FAM13A: variants seen among roughly 807,000 people sequenced by gnomAD.
FAM13A encodes protein FAM13A.
Under a neutral mutation model 129.6 loss-of-function variants are expected in FAM13A, and 76 were observed. That is an observed-to-expected ratio of 0.59 (90% CI 0.49 to 0.71). FAM13A has a LOEUF of 0.71. Ranked by LOEUF, FAM13A falls within the 30% of genes least tolerant of loss-of-function variation. FAM13A has a pLI of 0.00. For synonymous variants in FAM13A, 443 were observed against 449.9 expected (o/e 0.98, Z 0.20); for missense variants, 1,108 against 1,249.3 (o/e 0.89, Z 1.70).
At chr4:88,765,635 C>T (rs1251793783) in intron 13 of FAM13A, among the ~76,000 whole-genome samples, 1 of 152,172 alleles carries the variant, frequency 6.6e-6, no homozygotes, top group African/African-American at 2.4e-5. Flanking sequence ...CAGTTCTTTT[C>T]ACTGTCTGTC....
chr4:88,764,617 T>C (rs959501949), intron 13 of FAM13A, among the ~76,000 whole-genome samples: 2 of 152,164 alleles, frequency 1.3e-5, no homozygotes, highest in East Asian at 1.9e-4. Context: ...TGGATACTTG[T>C]AGTTTGTTAA....
intron 10 of FAM13A, among the ~76,000 whole-genome samples, chr4:88,784,304 T>A (rs1723555725): frequency 6.6e-6 from 1 of 152,210 alleles, no homozygotes; most frequent in Admixed American, 6.5e-5. Context: ...TACTGGGTGC[T>A]CAATTATCAC....
intron 5 of FAM13A, among the ~76,000 whole-genome samples, chr4:88,920,911 C>A (rs559110515): frequency 1.2e-4 from 18 of 152,146 alleles, no homozygotes; most frequent in African/African-American, 4.1e-4. Context: ...AATGTAGAAG[C>A]CTCAGGAGCC....
At chr4:88,907,489 T>C (rs1410589038) in intron 5 of FAM13A, among the ~76,000 whole-genome samples, 1 of 152,226 alleles carries the variant, frequency 6.6e-6, no homozygotes, top group African/African-American at 2.4e-5. Context: ...GGGAACAATA[T>C]ATTATTAGGA....
chr4:88,823,221 C>G, intron 7 of FAM13A: 1 of 1,403,742 alleles, frequency 7.1e-7, no homozygotes, highest in Non-Finnish European at 9.2e-7. Context: ...TCGGCTGCTT[C>G]TCTACATTTA....
intron 3 of FAM13A, among the ~76,000 whole-genome samples, chr4:88,994,538 A>C (rs1354528747): frequency 1.3e-5 from 2 of 152,112 alleles, no homozygotes; most frequent in Non-Finnish European, 2.9e-5. Flanking sequence ...CGCTTGCGAG[A>C]AAGAAGGCTC....
intron 5 of FAM13A, among the ~76,000 whole-genome samples, chr4:88,906,892 C>A (rs1388014491): frequency 2.6e-5 from 4 of 152,176 alleles, no homozygotes; most frequent in Non-Finnish European, 5.9e-5. Context: ...TGACCTTAAA[C>A]AATTTCCTTC....
intron 4 of FAM13A, among the ~76,000 whole-genome samples, chr4:88,956,984 G>A (rs1026235455): frequency 6.6e-6 from 1 of 152,276 alleles, no homozygotes; most frequent in East Asian, 1.9e-4. Context: ...GCTATCCCCA[G>A]GGTGATGAGT....
rs187630931 is a variant in FAM13A, at chr4:88,912,096, G to C, written c.760-5634C>G. ...ATGACATCACTGGTAGGTGGCTTTT[G>C]ATGGTTAAATTTAGGTGTCAACTTG... is the stretch of plus-strand genomic sequence containing the variant. On this transcript the variant is annotated intron_variant, in intron 5 of 23. Coordinates refer to ENST00000264344, the MANE Select transcript of FAM13A (RefSeq NM_014883.4). Among the ~76,000 whole-genome samples the C allele has an allele frequency of 3.3e-5, 5 of 152,332 alleles. No homozygotes were observed. In the East Asian group the frequency reaches 9.7e-4, roughly 29 times the overall value.
At chr4:88,864,971 T>C (rs1235082746) in intron 6 of FAM13A, among the ~76,000 whole-genome samples, 1 of 152,042 alleles carries the variant, frequency 6.6e-6, no homozygotes, top group African/African-American at 2.4e-5. Flanking sequence ...AATCAACAAC[T>C]TGTGAAAAAT....
chr4:88,748,843 T>A (rs771541555), intron 17 of FAM13A, 109 bp downstream of exon 17: 135 of 816,836 alleles, frequency 1.7e-4, no homozygotes, highest in Non-Finnish European at 2.6e-4. Flanking sequence ...CTGGGAAGCA[T>A]CTTTAAGGAC....
intron 4 of FAM13A, among the ~76,000 whole-genome samples, chr4:88,958,990 G>A (rs1297532571): frequency 6.6e-6 from 1 of 152,204 alleles, no homozygotes; most frequent in African/African-American, 2.4e-5. Context: ...ACAATTTAAT[G>A]ACTGCCCTGC....
In FAM13A at chr4:88,793,309, A is replaced by G. The variant is rs551127162; in HGVS notation, c.1050-2682T>C. Among the ~76,000 whole-genome samples the G allele has an allele frequency of 8.5e-5, 13 of 152,162 alleles. No homozygotes were observed. In the South Asian group the frequency reaches 2.7e-3, roughly 32 times the overall value. On this transcript the variant is annotated intron_variant, in intron 8 of 23. Transcript: ENST00000264344. ...AGCTTAGAGAAAAATGACCTGAACC[A>G]TCTAAATCAGTTGTAGAGCACATTT...
intron 3 of FAM13A, among the ~76,000 whole-genome samples, chr4:88,997,159 CAT>C (rs1392192756): frequency 2.6e-5 from 4 of 152,308 alleles, no homozygotes; most frequent in East Asian, 1.9e-4. Flanking sequence ...GATGTATTAA[CAT>C]ATGTTAACTG....
intron 6 of FAM13A, among the ~76,000 whole-genome samples, chr4:88,861,524 G>T (rs1175138186): frequency 1.3e-5 from 2 of 152,086 alleles, no homozygotes; most frequent in African/African-American, 4.8e-5. Flanking sequence ...TGTGGAACTT[G>T]GGAAGACAAG....
At chr4:88,753,258 C>CTAA (rs1743001193) in intron 14 of FAM13A, among the ~76,000 whole-genome samples, 1 of 152,128 alleles carries the variant, frequency 6.6e-6, no homozygotes, top group Non-Finnish European at 1.5e-5. Context: ...CTAGAAAATG[C>CTAA]TAATCATGGA....
intron 5 of FAM13A, chr4:88,937,585 TAGG>T (rs1386669418): frequency 6.5e-6 from 1 of 154,848 alleles, no homozygotes; most frequent in Admixed American, 6.5e-5. Flanking sequence ...GACTCCTTTA[TAGG>T]TTTTTAAAAT....
At chr4:89,042,519 T>C (rs1470894129) in intron 1 of FAM13A, among the ~76,000 whole-genome samples, 1 of 152,188 alleles carries the variant, frequency 6.6e-6, no homozygotes, top group Non-Finnish European at 1.5e-5. Context: ...TACAGAAACA[T>C]TTCATAGCAT....
chr4:88,787,692 G>T lies in FAM13A; in HGVS notation c.1271+61C>A, dbSNP rs1724240024. Reference sequence around the variant, plus strand: ...TGACTATAACACAGCGACTAATTTGGGTGTATATTTCTTTTAAAAAGAGAA... The same window carrying T: ...TGACTATAACACAGCGACTAATTTGTGTGTATATTTCTTTTAAAAAGAGAA... On this transcript the variant is annotated intron_variant, in intron 10 of 23. Transcript: ENST00000264344. 7 of 1,498,056 alleles carry T rather than the reference G, an allele frequency of 4.7e-6. No individual in the cohort carries two copies. The South Asian group carries it at 8.5e-5, about 18-fold the overall frequency. The allele number at this position is 1,498,056 out of a possible 1,614,324, so 92.8% of individuals were successfully genotyped here.
Sources: gnomAD v4.1 joint callset for allele counts (sites outside exome capture counted in the v4.1 genomes callset) on GRCh38, gnomAD v4.1.1 for gene constraint, MANE v1.5 for transcripts, NCBI Gene and HGNC (gene_info 2026-07-23, HGNC 2026-07-21) for gene names.